Variants in PIK3CB observed in about 807,000 individuals in gnomAD.
PIK3CB encodes phosphatidylinositol 4,5-bisphosphate 3-kinase catalytic subunit beta isoform.
A neutral mutation model predicts 136.8 loss-of-function variants in PIK3CB; 39 were observed. The observed-to-expected ratio is 0.29, with a 90% CI of 0.22 to 0.37. The LOEUF (loss-of-function observed/expected upper bound fraction) is 0.37. Ranked by LOEUF, PIK3CB falls within the 10% of genes least tolerant of loss-of-function variation. The pLI is 1.00. For missense variants in PIK3CB, 868 were observed against 1,275.4 expected (o/e 0.68, Z 4.87); for synonymous variants, 428 against 436.6 (o/e 0.98, Z 0.25).
intron 2 of PIK3CB, among the ~76,000 whole-genome samples, chr3:138,781,562 C>T (rs2045923983): frequency 6.6e-6 from 1 of 151,930 alleles, no homozygotes; most frequent in Non-Finnish European, 1.5e-5. Context: ...AGGTGATTCT[C>T]TTGCCTCAGA....
chr3:138,684,574 T>C, intron 17 of PIK3CB, 51 bp downstream of exon 17: 1 of 1,396,280 alleles, frequency 7.2e-7, no homozygotes, highest in Non-Finnish European at 9.7e-7. Flanking sequence ...AGGCAGTGAC[T>C]TTCTGCTTGC....
At position 138,750,797 on chromosome 3, in the gene PIK3CB, A is replaced by T. The variant is rs565230640; in HGVS notation, c.397+4957T>A. On this transcript the variant is annotated intron_variant, in intron 4 of 23. Transcript: ENST00000674063. ...TTTTCAGATTCCACATTTAAGTGAG[A>T]TCACACAGTATTTGAAGGTGACCCT... is the stretch of plus-strand genomic sequence containing the variant. 2.6e-5 allele frequency among the ~76,000 whole-genome samples: 4 copies of T among 152,288 alleles called. No individual in the cohort carries two copies. In the South Asian group the frequency reaches 8.3e-4, roughly 32 times the overall value.
At chr3:138,783,044 T>C (rs947060456) in intron 2 of PIK3CB, among the ~76,000 whole-genome samples, 1 of 152,178 alleles carries the variant, frequency 6.6e-6, no homozygotes, top group Admixed American at 6.5e-5. Flanking sequence ...CAGTGGGGGA[T>C]ATCATTAATG....
intron 7 of PIK3CB, 70 bp downstream of exon 7, chr3:138,734,564 G>T (rs554148260): frequency 1.7e-5 from 20 of 1,195,940 alleles, no homozygotes; most frequent in Non-Finnish European, 2.2e-5. Flanking sequence ...GGAAATATGT[G>T]TGAAACTTAT....
chr3:138,665,629 C>T (rs2043392246), intron 19 of PIK3CB, among the ~76,000 whole-genome samples: 1 of 152,208 alleles, frequency 6.6e-6, no homozygotes, highest in Non-Finnish European at 1.5e-5. Flanking sequence ...CTTCTGGTGG[C>T]ACCATCTCAG....
At chr3:138,705,081 T>C (rs959756475) in intron 11 of PIK3CB, among the ~76,000 whole-genome samples, 1 of 146,140 alleles carries the variant, frequency 6.8e-6, no homozygotes, top group Admixed American at 7.0e-5. Context: ...CCCTGGCTTA[T>C]ATATATTCAA....
At chr3:138,814,481 A>C (rs1460377798) in intron 1 of PIK3CB, among the ~76,000 whole-genome samples, 3 of 151,978 alleles carry the variant, frequency 2.0e-5, no homozygotes, top group Non-Finnish European at 4.4e-5. Flanking sequence ...ATCTCAAAAA[A>C]AAAAAAAAAA....
intron 2 of PIK3CB, among the ~76,000 whole-genome samples, chr3:138,792,753 CT>C (rs2046066843): frequency 6.6e-6 from 1 of 152,084 alleles, no homozygotes; most frequent in South Asian, 2.1e-4. Context: ...GAGGAAGAAG[CT>C]GTAGGATTTC....
intron 15 of PIK3CB, among the ~76,000 whole-genome samples, chr3:138,689,723 C>T (rs2043968667): frequency 6.6e-6 from 1 of 152,232 alleles, no homozygotes; most frequent in African/African-American, 2.4e-5. Context: ...TTAGTTAATA[C>T]TTCAAAGTTC....
At chr3:138,742,972 C>T (rs2045274613) in intron 4 of PIK3CB, among the ~76,000 whole-genome samples, 191 bp from the exon 5 acceptor site, 1 of 152,072 alleles carries the variant, frequency 6.6e-6, no homozygotes, top group Non-Finnish European at 1.5e-5. Flanking sequence ...ATCTCATGTA[C>T]AGAAGACAAA....
At chr3:138,722,128 TG>T (rs1296233425) in intron 8 of PIK3CB, among the ~76,000 whole-genome samples, 3,706 of 96,834 alleles carry the variant, frequency 0.038, 166 homozygotes, top group African/African-American at 0.12. Context: ...TGCTACTGGG[TG>T]TTTTTTTTTT....
intron 16 of PIK3CB, among the ~76,000 whole-genome samples, chr3:138,687,333 A>G (rs1041117427): frequency 1.2e-4 from 19 of 152,224 alleles, no homozygotes; most frequent in Non-Finnish European, 2.1e-4. Context: ...GCAGTGTGGA[A>G]AATGGTTATA....
rs1374269548 is a variant in PIK3CB, at chr3:138,737,752, C to G, written c.756G>C (p.Gly252=). 2.5e-6 allele frequency: 4 copies of G among 1,611,278 alleles called. No individual in the cohort carries two copies. In the Admixed American group the frequency reaches 6.7e-5, roughly 27 times the overall value. The change falls in exon 6 of 24, where the codon GGG becomes GGC. Residue 252 remains glycine (G), a synonymous_variant. Coordinates refer to ENST00000674063, the MANE Select transcript of PIK3CB (RefSeq NM_006219.3). ...SPYDYVLQVS[G]RVEYVFGDHP... ...GATCACCAAAAACATATTCTACTCT[C>G]CCGCTGACTTGCAACACATAATCAT...
chr3:138,742,721 C>T lies in PIK3CB; in HGVS notation c.458G>A (p.Arg153His), dbSNP rs558261053. Residue 153 changes from arginine to histidine, a missense_variant, in exon 5 of 24, where the codon CGC becomes CAC. Arg to His is a conservative substitution (Grantham distance 29, BLOSUM62 0). Around this residue, in one of 4 missense-constraint regions of PIK3CB, gnomAD observed 612 missense variants for 801.1 expected, o/e 0.76. Coordinates refer to ENST00000674063, the MANE Select transcript of PIK3CB (RefSeq NM_006219.3). ...CAGGATTTTTTCCTCGCTGAATTTG[C>T]GCATTTTTCTTCGAAATTCATTTAC... ...PEVNEFRRKM[R>H]KFSEEKILSL... 21 of 1,613,412 alleles carry T rather than the reference C, an allele frequency of 1.3e-5. No homozygotes were observed. The South Asian group carries it at 1.3e-4, about 10-fold the overall frequency.
chr3:138,797,682 T>C (rs1401442508), intron 1 of PIK3CB, among the ~76,000 whole-genome samples: 1 of 152,006 alleles, frequency 6.6e-6, no homozygotes, highest in East Asian at 1.9e-4. Context: ...ATGTTGATAG[T>C]GGGGGAAGCT....
At chr3:138,751,374 C>T (rs431612) in intron 4 of PIK3CB, among the ~76,000 whole-genome samples, 1 of 151,676 alleles carries the variant, frequency 6.6e-6, no homozygotes. Flanking sequence ...AGGAGAATGG[C>T]GTGAACCCAG....
At chr3:138,806,209 G>A (rs762523021) in intron 1 of PIK3CB, among the ~76,000 whole-genome samples, 9 of 152,142 alleles carry the variant, frequency 5.9e-5, no homozygotes, top group Admixed American at 2.6e-4. Context: ...GAAATCGGCC[G>A]GGTGAGGTAG....
chr3:138,777,919 C>A (rs997165919), intron 2 of PIK3CB: 5 of 279,784 alleles, frequency 1.8e-5, no homozygotes, highest in Non-Finnish European at 3.6e-5. Context: ...GATATTGTCT[C>A]ATCAAGGACC....
chr3:138,719,818 T>C (rs1049945258), intron 8 of PIK3CB, among the ~76,000 whole-genome samples: 2 of 152,128 alleles, frequency 1.3e-5, no homozygotes, highest in Admixed American at 6.6e-5. Context: ...TTCTGTATGA[T>C]ATTATATACT....
Sources: allele counts gnomAD v4.1 joint callset (sites outside exome capture counted in the v4.1 genomes callset), GRCh38; gene constraint gnomAD v4.1.1; regional missense constraint gnomAD v4.1.1; transcripts MANE v1.5; gene names NCBI Gene and HGNC (gene_info 2026-07-23, HGNC 2026-07-21).